The following TMEM209 variants were observed in gnomAD, a reference collection of about 807,000 sequenced individuals.
TMEM209 encodes the protein testicular tissue protein Li 202.
TMEM209 carries 65 observed loss-of-function variants against 76.2 expected under a neutral mutation model. The ratio of observed to expected loss-of-function variants is 0.85; its 90% CI spans 0.70 to 1.05. The LOEUF (loss-of-function observed/expected upper bound fraction) is 1.05. Ranked by LOEUF, TMEM209 falls within the 50% of genes least tolerant of loss-of-function variation. The pLI is 0.00. For missense variants in TMEM209, 623 were observed against 685.5 expected, an observed-to-expected ratio of 0.91 and a Z score of 1.02; for synonymous variants, 239 against 237.6, an observed-to-expected ratio of 1.01 and a Z score of -0.06.
At chr7:130,196,085 A>G (rs933928189) in intron 5 of TMEM209, among the ~76,000 whole-genome samples, 5 of 152,138 alleles carry the variant, frequency 3.3e-5, no homozygotes, top group African/African-American at 4.8e-5. Context: ...CAAAATATTA[A>G]TAACTTTTAG....
At chr7:130,204,205 C>T (rs1308520698) in intron 1 of TMEM209, 95 bp from the exon 2 acceptor site, 6 of 1,271,626 alleles carry the variant, frequency 4.7e-6, no homozygotes, top group Non-Finnish European at 6.3e-6. Context: ...TAACTGAAAC[C>T]GCATATACCT....
At chr7:130,186,766 T>C (rs1434182049) in intron 6 of TMEM209, among the ~76,000 whole-genome samples, 1 of 151,850 alleles carries the variant, frequency 6.6e-6, no homozygotes, top group Non-Finnish European at 1.5e-5. Context: ...GGCCTTTCCA[T>C]GATGAACACC....
rs1797400204 is a variant in TMEM209, at chr7:130,181,177, G to A, written c.1120+446C>T. Among the ~76,000 whole-genome samples the A allele has an allele frequency of 2.6e-5, 4 of 152,182 alleles. No homozygotes were observed. In the South Asian group the frequency reaches 8.3e-4, roughly 31 times the overall value. On this transcript the variant is annotated intron_variant, in intron 9 of 14. Coordinates refer to ENST00000397622, the MANE Select transcript of TMEM209 (RefSeq NM_032842.4). ...TCTACAACATGGACAAACTTTGAAAGCATTATGCTCAGTGAAAGAAGCCAG... is the reference window on the plus strand; with the variant it reads ...TCTACAACATGGACAAACTTTGAAAACATTATGCTCAGTGAAAGAAGCCAG...
At chr7:130,174,336 C>T (rs1797169119) in intron 11 of TMEM209, among the ~76,000 whole-genome samples, 1 of 152,098 alleles carries the variant, frequency 6.6e-6, no homozygotes, top group South Asian at 2.1e-4. Context: ...AGAAGGTTTC[C>T]TTTTCAAATT....
chr7:130,169,243 T>C (rs1162416583), intron 14 of TMEM209, among the ~76,000 whole-genome samples: 1 of 151,256 alleles, frequency 6.6e-6, no homozygotes, highest in African/African-American at 2.4e-5. Context: ...TGTTTACACA[T>C]TTTTGTTCAT....
At chr7:130,172,843 CA>C (rs1440774739) in intron 13 of TMEM209, among the ~76,000 whole-genome samples, 1 of 150,834 alleles carries the variant, frequency 6.6e-6, no homozygotes, top group Non-Finnish European at 1.5e-5. Context: ...TACTAAAATA[CA>C]AAAAAATAGC....
Position 130,178,445 on chromosome 7 carries a change from T to A in TMEM209, c.1203A>T (p.Leu401=). ...AGTATTCCTGATTTGGAGTAAGGTC[T>A]AGATACTGAACGATTGTGTTCAAAG... ...IPTLNTIVQY[L]DLTPNQEYLF... is the part of the protein sequence containing the mutation. Residue 401 remains leucine (L), a synonymous_variant, in exon 10 of 15, where the codon CTA becomes CTT. Transcript: ENST00000397622. 1 of 1,613,714 alleles carries A rather than the reference T, an allele frequency of 6.2e-7. No homozygotes were observed. The highest frequency in any genetic ancestry group is 1.1e-5 in the South Asian group (1 of 91,010).
At chr7:130,193,440 A>T (rs1229932314) in intron 5 of TMEM209, among the ~76,000 whole-genome samples, 1 of 151,990 alleles carries the variant, frequency 6.6e-6, no homozygotes. Flanking sequence ...CGGGAGGCTG[A>T]GGCAGGAGAA....
At chr7:130,177,383 G>A (rs887449011) in intron 10 of TMEM209, among the ~76,000 whole-genome samples, 2 of 151,664 alleles carry the variant, frequency 1.3e-5, no homozygotes, top group Non-Finnish European at 2.9e-5. Flanking sequence ...ATTGTATTCT[G>A]GTTATGTATG....
rs538404668 is a variant in TMEM209, at chr7:130,204,040, G to C, written c.74C>G (p.Ala25Gly). ...TCCCCAGGCTAAGACCACTTTCCTA[G>C]CCTCTGTTTCTTTTCTCATCTTGAT... ...RTIKMRKETE[A>G]RKVVLAWGLL... The change falls in exon 2 of 15, where the codon GCT becomes GGT. Residue 25 changes from alanine to glycine, a missense_variant. Coordinates refer to ENST00000397622, the MANE Select transcript of TMEM209 (RefSeq NM_032842.4). 13 of 1,613,454 alleles carry C rather than the reference G, an allele frequency of 8.1e-6. No homozygotes were observed. The East Asian group carries it at 2.9e-4, about 36-fold the overall frequency.
chr7:130,182,087 CCTG>C, intron 8 of TMEM209: 1 of 179,384 alleles, frequency 5.6e-6, no homozygotes, highest in Non-Finnish European at 1.2e-5. Context: ...ATTACAGGCA[CCTG>C]CCACCACGCC....
intron 5 of TMEM209, among the ~76,000 whole-genome samples, chr7:130,197,677 CAG>C (rs1798037441): frequency 6.6e-6 from 1 of 152,194 alleles, no homozygotes. Flanking sequence ...AGTAACAACA[CAG>C]ACACATGAAA....
chr7:130,168,399 A>G (rs1796945919), intron 14 of TMEM209, among the ~76,000 whole-genome samples: 1 of 152,174 alleles, frequency 6.6e-6, no homozygotes, highest in Non-Finnish European at 1.5e-5. Context: ...ATATTCCAAA[A>G]TCGGAGAAAA....
chr7:130,173,788 G>A, intron 12 of TMEM209, 37 bp downstream of exon 12: 1 of 1,604,554 alleles, frequency 6.2e-7, no homozygotes, highest in Non-Finnish European at 8.5e-7. Context: ...TATTTTGTGT[G>A]AAAATCTCAA....
intron 4 of TMEM209, 27 bp from the exon 5 acceptor site, chr7:130,202,118 G>A: frequency 6.3e-7 from 1 of 1,577,766 alleles, no homozygotes; most frequent in Non-Finnish European, 8.6e-7. Context: ...AGCAACATAT[G>A]TGTATGTACC....
intron 13 of TMEM209, among the ~76,000 whole-genome samples, chr7:130,172,409 C>T (rs1797099871): frequency 6.6e-6 from 1 of 151,944 alleles, no homozygotes; most frequent in Non-Finnish European, 1.5e-5. Context: ...GTGGCGTGAT[C>T]TCGGCTCACT....
intron 10 of TMEM209, among the ~76,000 whole-genome samples, 185 bp from the exon 11 acceptor site, chr7:130,175,794 T>C (rs1797216868): frequency 6.6e-6 from 1 of 151,926 alleles, no homozygotes. Context: ...ATCAGATAAA[T>C]CCAAAATGTG....
At chr7:130,188,389 G>GATCA (rs1322422075) in intron 6 of TMEM209, among the ~76,000 whole-genome samples, 3 of 152,160 alleles carry the variant, frequency 2.0e-5, no homozygotes, top group Middle Eastern at 3.4e-3. Flanking sequence ...AAGGTCAGGA[G>GATCA]ATCGAGACCA....
intron 14 of TMEM209, among the ~76,000 whole-genome samples, chr7:130,170,045 C>T (rs367758005): frequency 3.0e-4 from 46 of 152,112 alleles, no homozygotes; most frequent in African/African-American, 9.2e-4. Context: ...GTAAACACTT[C>T]GCAGAATGCT....
Sources: allele counts gnomAD v4.1 joint callset (sites outside exome capture counted in the v4.1 genomes callset), GRCh38; gene constraint gnomAD v4.1.1; transcripts MANE v1.5; gene names NCBI Gene and HGNC (gene_info 2026-07-23, HGNC 2026-07-21).